The following ZBBX variants were observed in gnomAD, a reference collection of about 807,000 sequenced individuals.
The protein encoded by ZBBX is zinc finger B-box domain containing, also known as zinc finger B-box domain-containing protein 1.
ZBBX carries 101 observed loss-of-function variants against 108.5 expected under a neutral mutation model. The observed-to-expected ratio is 0.93, with a 90% CI of 0.79 to 1.10. The LOEUF (loss-of-function observed/expected upper bound fraction) is 1.10. ZBBX is among the 50% of genes least tolerant of loss of function. The pLI, the probability that ZBBX is intolerant of heterozygous loss-of-function variation, is 0.00. For synonymous variants in ZBBX, 356 were observed against 323.4 expected, an observed-to-expected ratio of 1.10 and a Z score of -1.08; for missense variants, 1,009 against 941.4, an observed-to-expected ratio of 1.07 and a Z score of -0.94.
At chr3:167,361,082 C>T (rs13070237) in intron 6 of ZBBX, among the ~76,000 whole-genome samples, 12,109 of 152,106 alleles carry the variant, frequency 0.08, 522 homozygotes, top group Admixed American at 0.11. Flanking sequence ...CTGAGACACA[C>T]AGTCTAATAT....
intron 8 of ZBBX, among the ~76,000 whole-genome samples, chr3:167,354,257 C>T (rs1743159701): frequency 6.6e-6 from 1 of 151,736 alleles, no homozygotes; most frequent in African/African-American, 2.4e-5. Flanking sequence ...AGAATTCGAA[C>T]TTTGAAGTAT....
intron 20 of ZBBX, among the ~76,000 whole-genome samples, chr3:167,278,166 AC>A (rs1728036017): frequency 8.1e-6 from 1 of 123,146 alleles, no homozygotes; most frequent in South Asian, 3.0e-4. Context: ...CAAAATTGAC[AC>A]CCTAACATCA....
chr3:167,180,986 C>A, the ZBBX span, among the ~76,000 whole-genome samples: 1 of 152,078 alleles, frequency 6.6e-6, no homozygotes, highest in Non-Finnish European at 1.5e-5. Flanking sequence ...AACTATGTGT[C>A]CTTTTTCTAA....
At chr3:167,332,875 C>T (rs1305820875) in intron 10 of ZBBX, among the ~76,000 whole-genome samples, 1 of 152,066 alleles carries the variant, frequency 6.6e-6, no homozygotes, top group Non-Finnish European at 1.5e-5. Flanking sequence ...TGCCACTATT[C>T]TCTCATTTGA....
the ZBBX span, among the ~76,000 whole-genome samples, chr3:167,186,369 T>C: frequency 1.3e-5 from 2 of 151,734 alleles, no homozygotes; most frequent in Non-Finnish European, 2.9e-5. Context: ...CATAGTGCTA[T>C]GTACTCAAAT....
chr3:167,277,376 T>C (rs2108502885), intron 20 of ZBBX, among the ~76,000 whole-genome samples: 1 of 152,092 alleles, frequency 6.6e-6, no homozygotes, highest in Non-Finnish European at 1.5e-5. Context: ...GAGACACACA[T>C]AGGCTCAAAA....
intron 1 of ZBBX, among the ~76,000 whole-genome samples, chr3:167,402,371 G>C (rs1386404437): frequency 6.6e-6 from 1 of 152,120 alleles, no homozygotes; most frequent in Non-Finnish European, 1.5e-5. Flanking sequence ...GTTAACAAGA[G>C]GGAAGCTTCA....
At chr3:167,399,999 C>T (rs952398100) in intron 1 of ZBBX, among the ~76,000 whole-genome samples, 2 of 152,132 alleles carry the variant, frequency 1.3e-5, no homozygotes, top group African/African-American at 4.8e-5. Flanking sequence ...TAGGATAACT[C>T]TCTCCAGCTA....
the ZBBX span, among the ~76,000 whole-genome samples, chr3:167,210,966 A>T: frequency 1.3e-5 from 2 of 152,344 alleles, no homozygotes; most frequent in East Asian, 3.9e-4. Context: ...ATAATAAATC[A>T]TCTGGGGGGA....
At chr3:167,349,532 T>A (rs77174580) in intron 9 of ZBBX, among the ~76,000 whole-genome samples, 1,744 of 152,094 alleles carry the variant, frequency 0.011, 29 homozygotes, top group African/African-American at 0.04. Context: ...ATTATTTGGG[T>A]CATCAGCACC....
chr3:167,243,897 T>C (rs1721121289), intron 20 of ZBBX, among the ~76,000 whole-genome samples: 1 of 152,036 alleles, frequency 6.6e-6, no homozygotes, highest in African/African-American at 2.4e-5. Flanking sequence ...CTAAATTTGT[T>C]TAGCCCCTTG....
upstream of ZBBX, among the ~76,000 whole-genome samples, chr3:167,384,140 G>A (rs147533638): frequency 2.7e-3 from 405 of 152,084 alleles, 1 homozygote; most frequent in Non-Finnish European, 3.4e-3. Flanking sequence ...GTGTATAGCC[G>A]CATCTTTCAA....
the ZBBX span, among the ~76,000 whole-genome samples, chr3:167,218,221 A>G: frequency 3.9e-5 from 6 of 152,292 alleles, no homozygotes; most frequent in African/African-American, 2.4e-5. Context: ...GTGTTTATCT[A>G]TGTAACAAAC....
chr3:167,195,824 C>T, the ZBBX span, among the ~76,000 whole-genome samples: 1 of 152,186 alleles, frequency 6.6e-6, no homozygotes, highest in Non-Finnish European at 1.5e-5. Context: ...TAATCAAAAA[C>T]TGTCACAAGA....
chr3:167,394,337 A>T (rs371449041), intron 1 of ZBBX, among the ~76,000 whole-genome samples: 1 of 151,890 alleles, frequency 6.6e-6, no homozygotes, highest in Non-Finnish European at 1.5e-5. Context: ...TTTTATCCCC[A>T]CTGGAAATAG....
rs184887855 is a variant in ZBBX at position 167,380,012 on chromosome 3, A to G, written c.-286-220T>C. On this transcript the variant is annotated intron_variant, in intron 1 of 21. Transcript: ENST00000675490. ...CTTTGGTGTATACCAAAGGCTTTCAACTCCTGAGGCCAGGGCCCCGTCCTG... is the reference window on the plus strand; with the variant it reads ...CTTTGGTGTATACCAAAGGCTTTCAGCTCCTGAGGCCAGGGCCCCGTCCTG... Among the ~76,000 whole-genome samples, 532 of 152,208 alleles carry G rather than the reference A, an allele frequency of 3.5e-3. 4 individuals are homozygous for G. Among genetic ancestry groups the G allele is most frequent in the Admixed American group, 7.5e-3 (114 of 15,296 alleles).
chr3:167,194,403 C>T, the ZBBX span, among the ~76,000 whole-genome samples: 1 of 152,038 alleles, frequency 6.6e-6, no homozygotes, highest in Non-Finnish European at 1.5e-5. Flanking sequence ...CTGTCTATGA[C>T]TGGGTGAATG....
chr3:167,340,485 T>G (rs1481255178), intron 9 of ZBBX, among the ~76,000 whole-genome samples: 3 of 152,084 alleles, frequency 2.0e-5, no homozygotes, highest in African/African-American at 7.2e-5. Context: ...GAGCATTATC[T>G]CTCAATTTTT....
chr3:167,211,393 G>A, the ZBBX span, among the ~76,000 whole-genome samples: 1 of 152,160 alleles, frequency 6.6e-6, no homozygotes, highest in Non-Finnish European at 1.5e-5. Context: ...GGCAAAAGTA[G>A]CTGCAGCTCT....
Sources: allele counts gnomAD v4.1 joint callset (sites outside exome capture counted in the v4.1 genomes callset), GRCh38; gene constraint gnomAD v4.1.1; transcripts MANE v1.5; gene names NCBI Gene and HGNC (gene_info 2026-07-23, HGNC 2026-07-21).